Variants in CABCOCO1 observed in about 807,000 individuals in gnomAD.
The protein encoded by CABCOCO1 is ciliary-associated calcium-binding coiled-coil protein 1.
Under a neutral mutation model 35.7 loss-of-function variants are expected in CABCOCO1, and 28 were observed. The ratio of observed to expected loss-of-function variants is 0.78; its 90% CI spans 0.58 to 1.07. CABCOCO1 has a LOEUF of 1.07. CABCOCO1 is among the 50% of genes least tolerant of loss of function. The pLI is 0.00. For missense variants in CABCOCO1, 326 were observed against 309.2 expected, an observed-to-expected ratio of 1.05 and a Z score of -0.41; for synonymous variants, 95 against 100.1, an observed-to-expected ratio of 0.95 and a Z score of 0.30.
intron 5 of CABCOCO1, among the ~76,000 whole-genome samples, chr10:61,737,247 G>A (rs973995353): frequency 2.0e-5 from 3 of 152,120 alleles, no homozygotes; most frequent in African/African-American, 4.8e-5. Context: ...AAACCACAAT[G>A]AGATAGCGTC....
intron 2 of CABCOCO1, among the ~76,000 whole-genome samples, chr10:61,673,591 T>C (rs1006775853): frequency 1.3e-5 from 2 of 152,162 alleles, no homozygotes; most frequent in Admixed American, 6.5e-5. Context: ...AGCATAAAGA[T>C]GACTCACTAC....
chr10:61,665,581 A>C (rs1339485216), intron 1 of CABCOCO1, among the ~76,000 whole-genome samples: 1 of 152,138 alleles, frequency 6.6e-6, no homozygotes, highest in Non-Finnish European at 1.5e-5. Flanking sequence ...GACTTTTTTT[A>C]ATATCTTCAA....
chr10:61,701,946 G>A (rs1840469328), intron 5 of CABCOCO1: 1 of 352,716 alleles, frequency 2.8e-6, no homozygotes, highest in Non-Finnish European at 4.0e-6. Context: ...CTTCTAGGGA[G>A]GATTTTTACT....
intron 5 of CABCOCO1, chr10:61,701,761 C>T (rs1256284343): frequency 4.1e-6 from 4 of 985,182 alleles, no homozygotes; most frequent in Non-Finnish European, 4.8e-6. Context: ...TGGACATTTT[C>T]AAATCAAAAT....
intron 1 of CABCOCO1, among the ~76,000 whole-genome samples, chr10:61,665,625 C>T (rs948493994): frequency 6.6e-6 from 1 of 152,010 alleles, no homozygotes; most frequent in African/African-American, 2.4e-5. Context: ...CGGTGGCTCA[C>T]GCCTGTAATC....
intron 5 of CABCOCO1, among the ~76,000 whole-genome samples, chr10:61,706,300 G>A (rs1301893542): frequency 2.0e-5 from 3 of 152,164 alleles, no homozygotes; most frequent in Non-Finnish European, 4.4e-5. Context: ...ATTGAGAAAA[G>A]AGAAGGGAAC....
intron 4 of CABCOCO1, among the ~76,000 whole-genome samples, chr10:61,689,343 C>G (rs751390854): frequency 3.9e-5 from 6 of 152,120 alleles, no homozygotes; most frequent in Admixed American, 6.6e-5. Flanking sequence ...ATTTTTCTAG[C>G]CAACAAATCA....
At chr10:61,733,517 CAG>C (rs1043717979) in intron 5 of CABCOCO1, among the ~76,000 whole-genome samples, 58 of 152,100 alleles carry the variant, frequency 3.8e-4, no homozygotes, top group African/African-American at 1.3e-3. Flanking sequence ...CAACTTACAC[CAG>C]AGTCACACTA....
At chr10:61,715,536 T>C (rs1840842367) in intron 5 of CABCOCO1, among the ~76,000 whole-genome samples, 1 of 152,230 alleles carries the variant, frequency 6.6e-6, no homozygotes, top group Non-Finnish European at 1.5e-5. Flanking sequence ...TTGTTGTGTG[T>C]GAATTTGATC....
chr10:61,748,829 C>G lies in CABCOCO1; in HGVS notation c.553-11230C>G, dbSNP rs1438694864. Among the ~76,000 whole-genome samples, 3 of 152,124 alleles carry G rather than the reference C, an allele frequency of 2.0e-5. No homozygotes were observed. The East Asian group carries it at 5.8e-4, about 29-fold the overall frequency. Reference sequence around the variant, plus strand: ...CTGTGGGACCACTGTTGAGAAAAAGCCAATGCACCCCTGGGCCTCTGTTAG... The same window carrying G: ...CTGTGGGACCACTGTTGAGAAAAAGGCAATGCACCCCTGGGCCTCTGTTAG... On this transcript the variant is annotated intron_variant, in intron 5 of 7. Coordinates refer to ENST00000648843, the MANE Select transcript of CABCOCO1 (RefSeq NM_001366906.2).
intron 5 of CABCOCO1, among the ~76,000 whole-genome samples, chr10:61,703,723 T>TCACA (rs151225441): frequency 8.1e-5 from 12 of 149,032 alleles, no homozygotes; most frequent in Non-Finnish European, 1.5e-4. Flanking sequence ...TCTCTCTCTC[T>TCACA]CACACACACA....
intron 2 of CABCOCO1, among the ~76,000 whole-genome samples, chr10:61,674,848 T>A (rs966809569): frequency 6.6e-6 from 1 of 152,210 alleles, no homozygotes; most frequent in African/African-American, 2.4e-5. Flanking sequence ...AATATTTTAA[T>A]GTAACCTTGA....
At chr10:61,682,529 C>T (rs912722944) in intron 3 of CABCOCO1, among the ~76,000 whole-genome samples, 1 of 152,224 alleles carries the variant, frequency 6.6e-6, no homozygotes, top group African/African-American at 2.4e-5. Flanking sequence ...ATGGATCCCC[C>T]TGGTGTATGA....
chr10:61,737,200 AG>A (rs141191284), intron 5 of CABCOCO1, among the ~76,000 whole-genome samples: 2,794 of 152,224 alleles, frequency 0.018, 91 homozygotes, highest in African/African-American at 0.064. Context: ...ATATGAAAAA[AG>A]CTCAATATCA....
intron 5 of CABCOCO1, among the ~76,000 whole-genome samples, chr10:61,716,248 C>T (rs993439493): frequency 6.6e-6 from 1 of 152,098 alleles, no homozygotes; most frequent in African/African-American, 2.4e-5. Context: ...GTTATTAACA[C>T]ACAAAGTAAA....
chr10:61,760,267 A>G, intron 6 of CABCOCO1, 86 bp downstream of exon 6: 1 of 1,467,334 alleles, frequency 6.8e-7, no homozygotes, highest in Non-Finnish European at 9.2e-7. Flanking sequence ...TGTTTTCTTC[A>G]TTTTCTTTGC....
chr10:61,667,464 C>T (rs1005860096), intron 1 of CABCOCO1, among the ~76,000 whole-genome samples: 1 of 151,218 alleles, frequency 6.6e-6, no homozygotes, highest in Non-Finnish European at 1.5e-5. Context: ...CCAGAATCAT[C>T]TCATTGGGGT....
chr10:61,667,748 A>C (rs960538777), intron 1 of CABCOCO1, among the ~76,000 whole-genome samples: 1 of 151,890 alleles, frequency 6.6e-6, no homozygotes, highest in East Asian at 1.9e-4. Flanking sequence ...ATTTTTTATT[A>C]GTAATAACTT....
chr10:61,704,068 A>G (rs932762763), intron 5 of CABCOCO1, among the ~76,000 whole-genome samples: 4 of 151,912 alleles, frequency 2.6e-5, no homozygotes, highest in African/African-American at 9.7e-5. Flanking sequence ...AATACAAAAA[A>G]AAAAAATTAG....
Sources: gnomAD v4.1 joint callset for allele counts (sites outside exome capture counted in the v4.1 genomes callset) on GRCh38, gnomAD v4.1.1 for gene constraint, MANE v1.5 for transcripts, NCBI Gene and HGNC (gene_info 2026-07-23, HGNC 2026-07-21) for gene names.